LRRC4C: variants seen among roughly 807,000 people sequenced by gnomAD.
LRRC4C encodes leucine-rich repeat-containing protein 4C.
A neutral mutation model predicts 33.6 loss-of-function variants in LRRC4C; 5 were observed. The observed-to-expected ratio is 0.15, with a 90% CI of 0.08 to 0.31. The LOEUF is 0.31. LRRC4C is among the 10% of genes least tolerant of loss of function. LRRC4C has a pLI of 1.00. For missense variants in LRRC4C, 560 were observed against 796.7 expected, an observed-to-expected ratio of 0.70 and a Z score of 3.58; for synonymous variants, 329 against 302.0, an observed-to-expected ratio of 1.09 and a Z score of -0.93.
intron 3 of LRRC4C, among the ~76,000 whole-genome samples, chr11:40,473,665 C>T (rs1358475249): frequency 6.6e-6 from 1 of 152,156 alleles, no homozygotes; most frequent in Non-Finnish European, 1.5e-5. Flanking sequence ...ATCAAATTGT[C>T]TCTGTTTACA....
chr11:40,629,656 G>C (rs1309452030), intron 3 of LRRC4C, among the ~76,000 whole-genome samples: 2 of 152,140 alleles, frequency 1.3e-5, no homozygotes, highest in Admixed American at 1.3e-4. Flanking sequence ...TAAGAACATT[G>C]AGTATAGGCA....
intron 1 of LRRC4C, among the ~76,000 whole-genome samples, chr11:41,445,866 A>ATGTGTGTG (rs35999139): frequency 1.9e-4 from 28 of 149,840 alleles, no homozygotes; most frequent in African/African-American, 6.6e-4. Context: ...GAGTGACTGC[A>ATGTGTGTG]TGTGTGTGTG....
At chr11:40,988,866 G>C (rs886356485) in intron 1 of LRRC4C, among the ~76,000 whole-genome samples, 10 of 151,702 alleles carry the variant, frequency 6.6e-5, no homozygotes, top group Non-Finnish European at 1.5e-4. Context: ...ACAGGTGCCT[G>C]CCACCACGCC....
chr11:40,660,011 A>C (rs950632700), intron 2 of LRRC4C, among the ~76,000 whole-genome samples: 93 of 152,224 alleles, frequency 6.1e-4, no homozygotes, highest in African/African-American at 2.1e-3. Context: ...GGGCTCCCTG[A>C]GCCAGGGCTG....
chr11:40,164,023 T>G (rs547124982), intron 5 of LRRC4C, among the ~76,000 whole-genome samples: 168 of 152,282 alleles, frequency 1.1e-3, no homozygotes, highest in Admixed American at 2.2e-3. Context: ...TAGCAAGAGA[T>G]TCTCCTGCTG....
intron 6 of LRRC4C, among the ~76,000 whole-genome samples, chr11:40,126,163 C>T (rs7935475): frequency 0.03 from 3,816 of 126,762 alleles, 69 homozygotes; most frequent in Non-Finnish European, 0.042. Flanking sequence ...TTGAGATTTA[C>T]GAAAAAAAAA....
intron 3 of LRRC4C, among the ~76,000 whole-genome samples, chr11:40,605,113 C>T (rs1369879576): frequency 1.3e-5 from 2 of 152,034 alleles, no homozygotes; most frequent in Non-Finnish European, 2.9e-5. Flanking sequence ...GTATTCCGAA[C>T]ATTTTTATGG....
chr11:41,078,832 C>T (rs755176455), intron 1 of LRRC4C, among the ~76,000 whole-genome samples: 5 of 152,136 alleles, frequency 3.3e-5, no homozygotes, highest in Non-Finnish European at 7.3e-5. Context: ...ATGTTATGGG[C>T]TGTATCTTCA....
intron 1 of LRRC4C, among the ~76,000 whole-genome samples, chr11:41,023,804 G>A (rs1458409775): frequency 1.3e-5 from 2 of 151,718 alleles, no homozygotes; most frequent in African/African-American, 2.4e-5. Flanking sequence ...TGAGGACTAC[G>A]TTGTAGGGAC....
rs1389611449 is a variant in LRRC4C at position 40,491,698 on chromosome 11, A to G, written c.-270+156444T>C. 2.0e-5 allele frequency among the ~76,000 whole-genome samples: 3 copies of G among 152,170 alleles called. No homozygotes were observed. The East Asian group carries it at 5.8e-4, about 29-fold the overall frequency. ...TTTAAATAACTCATCAGATTAGGTC[A>G]AGTTCTGCTAGAACGTGCTTCCTAT... On this transcript the variant is annotated intron_variant, in intron 3 of 6. Transcript: ENST00000528697.
chr11:41,005,768 T>C (rs1377125852), intron 1 of LRRC4C, among the ~76,000 whole-genome samples: 3 of 152,198 alleles, frequency 2.0e-5, no homozygotes, highest in African/African-American at 7.2e-5. Context: ...ATATTTAGTG[T>C]ACAGCCTGCA....
intron 4 of LRRC4C, among the ~76,000 whole-genome samples, chr11:40,301,530 C>G (rs1462746444): frequency 6.6e-6 from 1 of 152,196 alleles, no homozygotes; most frequent in Admixed American, 6.5e-5. Flanking sequence ...TAAACAATTC[C>G]TAAAGAATGT....
intron 2 of LRRC4C, among the ~76,000 whole-genome samples, chr11:40,722,043 A>G (rs1466490799): frequency 6.6e-6 from 1 of 152,224 alleles, no homozygotes; most frequent in Non-Finnish European, 1.5e-5. Flanking sequence ...AACCCTGGTT[A>G]GATTATGTGT....
At chr11:40,712,329 CT>C (rs1469947948) in intron 2 of LRRC4C, among the ~76,000 whole-genome samples, 1 of 152,044 alleles carries the variant, frequency 6.6e-6, no homozygotes, top group East Asian at 1.9e-4. Context: ...TTGATTTTCA[CT>C]TAGTGGATTT....
intron 1 of LRRC4C, among the ~76,000 whole-genome samples, chr11:41,208,047 G>A (rs2136298471): frequency 6.6e-6 from 1 of 152,262 alleles, no homozygotes; most frequent in East Asian, 1.9e-4. Context: ...GAGAGCTGGA[G>A]AGAAAGTATC....
chr11:40,806,895 G>A (rs1951277635), intron 2 of LRRC4C, among the ~76,000 whole-genome samples: 1 of 151,968 alleles, frequency 6.6e-6, no homozygotes, highest in South Asian at 2.1e-4. Flanking sequence ...AAATGTTCTT[G>A]CATAATCTAC....
At chr11:40,134,825 A>G (rs1366545819) in intron 6 of LRRC4C, among the ~76,000 whole-genome samples, 1 of 152,126 alleles carries the variant, frequency 6.6e-6, no homozygotes, top group Non-Finnish European at 1.5e-5. Flanking sequence ...ACAACTTTGG[A>G]GTAAGTCCTG....
At chr11:41,442,458 CTTTTTTT>C (rs775679545) in intron 1 of LRRC4C, among the ~76,000 whole-genome samples, 238 of 84,012 alleles carry the variant, frequency 2.8e-3, no homozygotes, top group Middle Eastern at 0.011. Context: ...TTGCTTTTTT[CTTTTTTT>C]TTTTTTTTTT....
intron 1 of LRRC4C, among the ~76,000 whole-genome samples, chr11:41,202,911 G>C (rs1305647213): frequency 2.0e-5 from 3 of 151,846 alleles, no homozygotes; most frequent in Non-Finnish European, 4.4e-5. Context: ...TCAACCTCCT[G>C]AGTAGCTGGG....
Sources: allele counts gnomAD v4.1 joint callset (sites outside exome capture counted in the v4.1 genomes callset), GRCh38; gene constraint gnomAD v4.1.1; transcripts MANE v1.5; gene names NCBI Gene and HGNC (gene_info 2026-07-23, HGNC 2026-07-21).